The following TTC7B variants were observed in gnomAD, a reference collection of about 807,000 sequenced individuals.
TTC7B encodes tetratricopeptide repeat domain 7B, also known as tetratricopeptide repeat protein 7B.
Under a neutral mutation model 106.8 loss-of-function variants are expected in TTC7B, and 28 were observed. The ratio of observed to expected loss-of-function variants is 0.26; its 90% CI spans 0.19 to 0.36. The LOEUF (loss-of-function observed/expected upper bound fraction) is 0.36. Ranked by LOEUF, TTC7B falls within the 10% of genes least tolerant of loss-of-function variation. The pLI is 1.00. For missense variants in TTC7B, 862 were observed against 1,076.4 expected (o/e 0.80, Z 2.79); for synonymous variants, 405 against 430.6 (o/e 0.94, Z 0.74).
At chr14:90,738,502 G>A (rs1008466047) in intron 4 of TTC7B, among the ~76,000 whole-genome samples, 4 of 152,084 alleles carry the variant, frequency 2.6e-5, no homozygotes, top group South Asian at 2.1e-4. Context: ...CCAGCTACTC[G>A]AGGCTTAGGC....
chr14:90,593,635 G>A lies in TTC7B; in HGVS notation c.1967-9C>T, dbSNP rs1418994226. 3.8e-6 allele frequency: 6 copies of A among 1,584,312 alleles called. No individual in the cohort carries two copies. The highest frequency in any genetic ancestry group is 3.4e-5 in the South Asian group (3 of 87,184). On this transcript the variant is annotated splice_polypyrimidine_tract_variant and intron_variant, in intron 17 of 19. Transcript: ENST00000328459. Reference sequence around the variant, plus strand: ...TGTGGCATGGACGGAGCCTGTGAGAGGTTTTTGAGAAGACTCTATCAGGAG... The same window carrying A: ...TGTGGCATGGACGGAGCCTGTGAGAAGTTTTTGAGAAGACTCTATCAGGAG...
chr14:90,590,355 C>T (rs538208634), intron 18 of TTC7B, among the ~76,000 whole-genome samples: 16 of 152,310 alleles, frequency 1.1e-4, no homozygotes, highest in Middle Eastern at 3.4e-3. Flanking sequence ...CCAAGGTCAT[C>T]TCCGAGTGAC....
intron 18 of TTC7B, among the ~76,000 whole-genome samples, chr14:90,583,509 A>G (rs1160585290): frequency 6.6e-6 from 1 of 152,224 alleles, no homozygotes; most frequent in Non-Finnish European, 1.5e-5. Flanking sequence ...AAGCTTATTA[A>G]GAGATACAAG....
chr14:90,686,157 G>A (rs1468264713), intron 7 of TTC7B, among the ~76,000 whole-genome samples: 1 of 152,136 alleles, frequency 6.6e-6, no homozygotes, highest in East Asian at 1.9e-4. Flanking sequence ...ACTTGGACAG[G>A]GATGCAGGTT....
chr14:90,589,005 A>C (rs1891841714), intron 18 of TTC7B, among the ~76,000 whole-genome samples: 1 of 152,134 alleles, frequency 6.6e-6, no homozygotes, highest in Non-Finnish European at 1.5e-5. Context: ...TCAGTATCTA[A>C]GAAGATAAAT....
At chr14:90,627,196 G>A (rs549664811) in intron 15 of TTC7B, among the ~76,000 whole-genome samples, 1 of 152,052 alleles carries the variant, frequency 6.6e-6, no homozygotes, top group Non-Finnish European at 1.5e-5. Flanking sequence ...ATGTTGCCCA[G>A]CCTGTTCTTG....
At chr14:90,677,852 A>G in intron 8 of TTC7B, 1 of 455,660 alleles carries the variant, frequency 2.2e-6, no homozygotes, top group Admixed American at 2.4e-5. Flanking sequence ...TAAATGTCAA[A>G]GACAAATAAG....
intron 7 of TTC7B, among the ~76,000 whole-genome samples, chr14:90,687,757 C>A (rs1365789555): frequency 6.6e-6 from 1 of 152,076 alleles, no homozygotes; most frequent in Non-Finnish European, 1.5e-5. Flanking sequence ...GTGAATTAAG[C>A]AAACTCATGG....
chr14:90,749,760 A>G (rs1353581159), intron 3 of TTC7B, among the ~76,000 whole-genome samples: 1 of 152,204 alleles, frequency 6.6e-6, no homozygotes, highest in African/African-American at 2.4e-5. Flanking sequence ...CTATGTCTTC[A>G]AGTTCACTAA....
At position 90,674,264 on chromosome 14, in the gene TTC7B, G is replaced by A. The variant is rs371946099; in HGVS notation, c.1152+2259C>T. Among the ~76,000 whole-genome samples the A allele has an allele frequency of 5.3e-5, 8 of 152,190 alleles. No individual in the cohort carries two copies. The East Asian group carries it at 1.5e-3, about 29-fold the overall frequency. ...GCCTCGGACAGAGGGAGGGAGAGAG[G>A]GCCCACACTCAGCAAAGGGTGGACC... On this transcript the variant is annotated intron_variant, in intron 9 of 19. Coordinates refer to ENST00000328459, the MANE Select transcript of TTC7B (RefSeq NM_001010854.2).
chr14:90,614,874 G>A (rs1023165429), intron 16 of TTC7B, among the ~76,000 whole-genome samples: 1 of 152,150 alleles, frequency 6.6e-6, no homozygotes, highest in Admixed American at 6.5e-5. Context: ...GGGACCTTCT[G>A]GTGAGATTCT....
At chr14:90,671,524 G>A (rs1036025466) in intron 9 of TTC7B, among the ~76,000 whole-genome samples, 1 of 152,212 alleles carries the variant, frequency 6.6e-6, no homozygotes, top group African/African-American at 2.4e-5. Flanking sequence ...CTGAAAAACA[G>A]AGGAAGCGGT....
intron 1 of TTC7B, among the ~76,000 whole-genome samples, chr14:90,788,121 A>G (rs1891454146): frequency 6.6e-6 from 1 of 152,196 alleles, no homozygotes; most frequent in Non-Finnish European, 1.5e-5. Context: ...CCGATATTGC[A>G]TCACTGTACC....
rs368480292 is a variant in TTC7B, at chr14:90,605,782, A to C, written c.1966+4960T>G. The C allele has an allele frequency of 6.3e-4, 780 of 1,233,878 alleles. 11 individuals carry two copies. The South Asian group carries it at 0.01, about 16-fold the overall frequency. The allele number at this position is 1,233,878 out of a possible 1,614,324, so 76.4% of individuals were successfully genotyped here. ...CACTAAAAAAGTGAAAGAGAAAAAA[A>C]GGGTGAAGGCAAAAAAAAAACTTTA... On this transcript the variant is annotated intron_variant, in intron 17 of 19. Coordinates refer to ENST00000328459, the MANE Select transcript of TTC7B (RefSeq NM_001010854.2).
chr14:90,593,522 G>A lies in TTC7B; in HGVS notation c.2071C>T (p.Pro691Ser). The change falls in exon 18 of 20, where the codon CCC becomes TCC. Residue 691 changes from proline (P) to serine (S), a missense_variant. Transcript: ENST00000328459. Reference sequence around the variant, plus strand: ...CAGATCTGTGCCAGCGTCATCCAGGGGTGCAGCGGGCCCTGCTTAGGGGCA... The same window carrying A: ...CAGATCTGTGCCAGCGTCATCCAGGAGTGCAGCGGGCCCTGCTTAGGGGCA... ...SSAPKQGPLH[P>S]WMTLAQIWLH... 6.2e-7 allele frequency: 1 copy of A among 1,609,954 alleles called. No homozygotes were observed.
chr14:90,685,133 A>G (rs1887205096), intron 7 of TTC7B, among the ~76,000 whole-genome samples: 1 of 152,212 alleles, frequency 6.6e-6, no homozygotes, highest in African/African-American at 2.4e-5. Flanking sequence ...TTCCATTACA[A>G]CCAACTCTTC....
At chr14:90,583,589 A>G (rs935338144) in intron 18 of TTC7B, among the ~76,000 whole-genome samples, 1 of 152,212 alleles carries the variant, frequency 6.6e-6, no homozygotes, top group African/African-American at 2.4e-5. Context: ...GCTGCCAACA[A>G]GAACACACTT....
chr14:90,618,105 A>ACCACTTGTCTTGCTGGGATGG, intron 15 of TTC7B, 60 bp from the exon 16 acceptor site: 1 of 1,277,314 alleles, frequency 7.8e-7, no homozygotes, highest in Non-Finnish European at 1.1e-6. Flanking sequence ...TCCCCATCCC[A>ACCACTTGTCTTGCTGGGATGG]GCAAGACAAG....
At chr14:90,557,725 C>A (rs546714662) in intron 19 of TTC7B, among the ~76,000 whole-genome samples, 1 of 152,372 alleles carries the variant, frequency 6.6e-6, no homozygotes, top group East Asian at 1.9e-4. Context: ...GGAAGCGCCC[C>A]TGCTCTGGTG....
Sources: allele counts gnomAD v4.1 joint callset (sites outside exome capture counted in the v4.1 genomes callset), GRCh38; gene constraint gnomAD v4.1.1; transcripts MANE v1.5; gene names NCBI Gene and HGNC (gene_info 2026-07-23, HGNC 2026-07-21).